Variants in MPPED1 observed in about 807,000 individuals in gnomAD.
MPPED1 encodes metallophosphoesterase domain-containing protein 1.
A neutral mutation model predicts 36.2 loss-of-function variants in MPPED1; 16 were observed. The ratio of observed to expected loss-of-function variants is 0.44; its 90% CI spans 0.30 to 0.67. The LOEUF is 0.67. MPPED1 is among the 30% of genes least tolerant of loss of function. The pLI is 0.10. For missense variants in MPPED1, 307 were observed against 453.4 expected (o/e 0.68, Z 2.93); for synonymous variants, 199 against 191.3 (o/e 1.04, Z -0.33).
At chr22:43,449,348 T>C (rs1930475693) in intron 3 of MPPED1, among the ~76,000 whole-genome samples, 1 of 151,592 alleles carries the variant, frequency 6.6e-6, no homozygotes, top group Admixed American at 6.6e-5. Flanking sequence ...TTTCTGGAGG[T>C]CACGCAGGTC....
At chr22:43,454,111 C>T (rs867791095) in intron 3 of MPPED1, among the ~76,000 whole-genome samples, 2 of 151,734 alleles carry the variant, frequency 1.3e-5, no homozygotes, top group South Asian at 2.1e-4. Context: ...CTGGTTCAAG[C>T]GATTCTCCTG....
In MPPED1 at chr22:43,448,817, G is replaced by C. The variant is rs112982657; in HGVS notation, c.406+13602G>C. ...GGGGTTTCACCATGTTGGCCAAGCT[G>C]GTCTCGAACTCCTGACCTCAAGTGA... On this transcript the variant is annotated intron_variant, in intron 3 of 6. Coordinates refer to ENST00000443721, the MANE Select transcript of MPPED1 (RefSeq NM_001044370.2). Among the ~76,000 whole-genome samples the C allele has an allele frequency of 1.9e-4, 29 of 152,192 alleles. 1 individual carries two copies. Among genetic ancestry groups the C allele is most frequent in the African/African-American group, 6.7e-4 (28 of 41,530 alleles).
At position 43,463,835 on chromosome 22, in the gene MPPED1, C is replaced by T. The variant is rs1180066074; in HGVS notation, c.407-10901C>T. Among the ~76,000 whole-genome samples the T allele has an allele frequency of 4.2e-3, 511 of 120,604 alleles. 6 individuals are homozygous for T. Among genetic ancestry groups the T allele is most frequent in the Non-Finnish European group, 7.2e-3 (410 of 56,688 alleles). The allele number at this position is 120,604 out of a possible 152,430, so 79.1% of individuals were successfully genotyped here. ...TCTTTCTTTCTTTCTTTCTTTCTTT[C>T]TTTCTTTCTTTCTTTCTTTCTTTCT... On this transcript the variant is annotated intron_variant, in intron 3 of 6. Coordinates refer to ENST00000443721, the MANE Select transcript of MPPED1 (RefSeq NM_001044370.2).
chr22:43,494,242 G>A (rs926067542), intron 4 of MPPED1, among the ~76,000 whole-genome samples: 1 of 152,190 alleles, frequency 6.6e-6, no homozygotes, highest in African/African-American at 2.4e-5. Context: ...GTCTTACTGT[G>A]TTGCCCAGGC....
rs550402193 is a variant in MPPED1 at position 43,474,770 on chromosome 22, A to T, written c.441A>T (p.Ala147=). ...CCTACGAGTACAAGATCGTGATCGC[A>T]GGCAACCACGAGCTGACCTTTGACC... is the stretch of plus-strand genomic sequence containing the variant. ...SLPYEYKIVI[A]GNHELTFDQE... is the part of the protein sequence containing the mutation. Residue 147 remains alanine (A), a synonymous_variant, in exon 4 of 7, where the codon GCA becomes GCT. Transcript: ENST00000443721. This position sits in a 1 kb window ranked among gnomAD's most constrained non-coding sequence, Gnocchi z 5.2. 3.1e-6 allele frequency: 5 copies of T among 1,612,338 alleles called. No individual in the cohort carries two copies. Among genetic ancestry groups the T allele is most frequent in the Non-Finnish European group, 4.2e-6 (5 of 1,179,404 alleles).
intron 4 of MPPED1, among the ~76,000 whole-genome samples, chr22:43,494,125 C>A (rs374710393): frequency 6.6e-6 from 1 of 152,184 alleles, no homozygotes; most frequent in African/African-American, 2.4e-5. Flanking sequence ...CCTTGACCTC[C>A]TGGGCTCAAG....
chr22:43,499,526 ATGGAGGTGGTGGTGATGGTGGGTGGTGG>A (rs1569091103), intron 5 of MPPED1, among the ~76,000 whole-genome samples: 7 of 54,072 alleles, frequency 1.3e-4, no homozygotes, highest in Non-Finnish European at 2.2e-4. Context: ...GGTGGTGGTG[ATGGAGGTGGTGGTGATGGTGGGTGGTGG>A]TGGAGGTGGT....
At chr22:43,498,205 C>A in intron 4 of MPPED1, 30 bp from the exon 5 acceptor site, 1 of 1,512,554 alleles carries the variant, frequency 6.6e-7, no homozygotes. Flanking sequence ...TTCACCCGCC[C>A]TCCCTCAAAC....
At chr22:43,435,453 A>ATT (rs135070) in intron 3 of MPPED1, among the ~76,000 whole-genome samples, 8 of 148,248 alleles carry the variant, frequency 5.4e-5, no homozygotes, top group Admixed American at 3.3e-4. Context: ...TGTTTGTGGG[A>ATT]TTTTTTTTTT....
Position 43,502,546 on chromosome 22 carries a change from C to G in MPPED1, c.749-98C>G. On this transcript the variant is annotated intron_variant, in intron 5 of 6. Coordinates refer to ENST00000443721, the MANE Select transcript of MPPED1 (RefSeq NM_001044370.2). This position sits in a 1 kb window ranked among gnomAD's most constrained non-coding sequence, Gnocchi z 5.5. ...GTGCAAAGCCGGAGTCCGGAAGCCC[C>G]ATGCCTTCTCCAGGCTGCAGAAGCT... 1 of 926,662 alleles carries G rather than the reference C, an allele frequency of 1.1e-6. No individual in the cohort carries two copies. 57.4% of individuals were successfully genotyped at this position (926,662 alleles called of 1,614,324 possible).
rs763591259 is a variant in MPPED1 at position 43,474,405 on chromosome 22, G to A, written c.407-331G>A. Among the ~76,000 whole-genome samples the A allele has an allele frequency of 1.3e-5, 2 of 152,198 alleles. No homozygotes were observed. The highest frequency in any genetic ancestry group is 2.4e-5 in the African/African-American group (1 of 41,434). On this transcript the variant is annotated intron_variant, in intron 3 of 6. Transcript: ENST00000443721. This position sits in a 1 kb window ranked among gnomAD's most constrained non-coding sequence, Gnocchi z 5.2. Reference sequence around the variant, plus strand: ...CTGTGGGGACAGTGATCAGGCTGCTGCCTCCTTTGATCTGATGAAGACACC... The same window carrying A: ...CTGTGGGGACAGTGATCAGGCTGCTACCTCCTTTGATCTGATGAAGACACC...
chr22:43,449,422 A>ACCCCCCCCCCCCCCCCCCCC (rs135045), intron 3 of MPPED1, among the ~76,000 whole-genome samples: 9 of 127,304 alleles, frequency 7.1e-5, no homozygotes, highest in Admixed American at 2.5e-4. Flanking sequence ...GACAGTGCCA[A>ACCCCCCCCCCCCCCCCCCCC]CCCCCCCCGC....
intron 4 of MPPED1, among the ~76,000 whole-genome samples, chr22:43,495,506 G>A (rs1397453089): frequency 1.9e-4 from 16 of 83,372 alleles, no homozygotes; most frequent in South Asian, 7.8e-4. Flanking sequence ...GGTGGTGGAG[G>A]TGGTGGTGGT....
In MPPED1 at chr22:43,495,497, G is replaced by A. The variant is rs796679709; in HGVS notation, c.633-2738G>A. On this transcript the variant is annotated intron_variant, in intron 4 of 6. Transcript: ENST00000443721. ...GGTGGAGGTGGTGGTGGAGGTAGTGGTGGTGGAGGTGGTGGTGGTGGTGGA... is the reference window on the plus strand; with the variant it reads ...GGTGGAGGTGGTGGTGGAGGTAGTGATGGTGGAGGTGGTGGTGGTGGTGGA... Among the ~76,000 whole-genome samples, 63 of 20,910 alleles carry A rather than the reference G, an allele frequency of 3.0e-3. 16 individuals are homozygous for A. In the African/African-American group the frequency reaches 0.044, roughly 15 times the overall value. The allele number at this position is 20,910 out of a possible 152,430, so 13.7% of individuals were successfully genotyped here.
At chr22:43,446,860 G>C (rs1930364419) in intron 3 of MPPED1, among the ~76,000 whole-genome samples, 1 of 152,226 alleles carries the variant, frequency 6.6e-6, no homozygotes, top group African/African-American at 2.4e-5. Context: ...CCAGACACCA[G>C]AGATACCGTG....
chr22:43,486,168 G>C (rs946664681), intron 4 of MPPED1, among the ~76,000 whole-genome samples: 11 of 151,962 alleles, frequency 7.2e-5, no homozygotes, highest in Middle Eastern at 3.4e-3. Context: ...ATGCAGGCAT[G>C]CCCTCACTTG....
At chr22:43,447,064 C>A (rs1930371708) in intron 3 of MPPED1, among the ~76,000 whole-genome samples, 1 of 152,130 alleles carries the variant, frequency 6.6e-6, no homozygotes, top group Non-Finnish European at 1.5e-5. Flanking sequence ...GGTGGCGGTG[C>A]CTTCCTCCCC....
In MPPED1 at chr22:43,465,501, C is replaced by T. The variant is rs138282708; in HGVS notation, c.407-9235C>T. Among the ~76,000 whole-genome samples the T allele has an allele frequency of 9.3e-3, 1,412 of 152,360 alleles. 15 individuals carry two copies. Among genetic ancestry groups the T allele is most frequent in the Middle Eastern group, 0.034 (10 of 294 alleles). On this transcript the variant is annotated intron_variant, in intron 3 of 6. Coordinates refer to ENST00000443721, the MANE Select transcript of MPPED1 (RefSeq NM_001044370.2). ...TGAGTGTGTACTTATCACCGAGCCCCGTGCTGGCGGTAGAGCGCTGAACAA... is the reference window on the plus strand; with the variant it reads ...TGAGTGTGTACTTATCACCGAGCCCTGTGCTGGCGGTAGAGCGCTGAACAA...
chr22:43,431,913 C>T (rs917004424), intron 2 of MPPED1, among the ~76,000 whole-genome samples: 1 of 152,162 alleles, frequency 6.6e-6, no homozygotes, highest in Non-Finnish European at 1.5e-5. Flanking sequence ...CCAGAAGCCT[C>T]GGGGTGCAGG....
Sources: gnomAD v4.1 joint callset for allele counts (sites outside exome capture counted in the v4.1 genomes callset) on GRCh38, gnomAD v4.1.1 for gene constraint, Gnocchi (gnomAD v3.1) non-coding constraint, MANE v1.5 for transcripts, NCBI Gene and HGNC (gene_info 2026-07-23, HGNC 2026-07-21) for gene names.